The following E2F8 variants were observed in gnomAD, a reference collection of about 807,000 sequenced individuals.
E2F8 encodes the protein transcription factor E2F8.
A neutral mutation model predicts 80.8 loss-of-function variants in E2F8; 35 were observed. That is an observed-to-expected ratio of 0.43 (90% CI 0.33 to 0.57). The LOEUF is 0.57. E2F8 is among the 20% of genes least tolerant of loss of function. The pLI, the probability that E2F8 is intolerant of heterozygous loss-of-function variation, is 0.04. For missense variants in E2F8, 975 were observed against 1,056.2 expected (o/e 0.92, Z 1.07); for synonymous variants, 386 against 395.0 (o/e 0.98, Z 0.27).
chr11:19,237,636 C>T (rs1851553512), intron 3 of E2F8, among the ~76,000 whole-genome samples, 166 bp from the exon 4 acceptor site: 1 of 152,164 alleles, frequency 6.6e-6, no homozygotes. Context: ...AAATGCTTGG[C>T]AAACCTGAAA....
intron 10 of E2F8, 175 bp from the exon 11 acceptor site, chr11:19,226,039 C>T: frequency 1.5e-6 from 1 of 667,544 alleles, no homozygotes; most frequent in Non-Finnish European, 2.5e-6. Context: ...ACCCTCCCAC[C>T]CTTCCCAATG....
At position 19,224,786 on chromosome 11, in the gene E2F8, T is replaced by C. The variant is rs766511319; in HGVS notation, c.2476A>G (p.Thr826Ala). ...SQLVAESFFR[T>A]PGGPTKPTSS... The stretch of plus-strand genomic sequence containing the variant: ...GTTGGCTTGGTGGGTCCACCTGGGG[T>C]ACGGAAGAAACTTTCGGCCACTAAT... The change falls in exon 13 of 13, where the codon ACC becomes GCC. Residue 826 changes from threonine (T) to alanine (A), a missense_variant. Thr to Ala is a moderately conservative substitution (Grantham distance 58, BLOSUM62 0). Coordinates refer to ENST00000250024, the MANE Select transcript of E2F8 (RefSeq NM_024680.4). 3.1e-6 allele frequency: 5 copies of C among 1,613,926 alleles called. No homozygotes were observed. Among genetic ancestry groups the C allele is most frequent in the Non-Finnish European group, 4.2e-6 (5 of 1,180,032 alleles).
At position 19,225,280 on chromosome 11, in the gene E2F8, G is replaced by A; in HGVS notation, c.2362C>T (p.Pro788Ser). ...TTTGGCTGGCTCTGGCCTGGGACTG[G>A]TGAGTCATAGTTGGTGGCCCTTCCT... ...QQGRATNYDS[P>S]VPGQSQPNGQ... Residue 788 changes from proline to serine, a missense_variant, in exon 12 of 13, where the codon CCA (proline) becomes TCA (serine). Coordinates refer to ENST00000250024, the MANE Select transcript of E2F8 (RefSeq NM_024680.4). 6.2e-7 allele frequency: 1 copy of A among 1,614,152 alleles called. No individual in the cohort carries two copies. Among genetic ancestry groups the A allele is most frequent in the Non-Finnish European group, 8.5e-7 (1 of 1,180,046 alleles).
intron 2 of E2F8, 151 bp downstream of exon 2, chr11:19,239,956 T>C (rs1442665660): frequency 2.4e-6 from 1 of 411,916 alleles, no homozygotes; most frequent in Non-Finnish European, 4.4e-6. Context: ...TTTGAAACTA[T>C]AAGATAAGGT....
chr11:19,230,614 C>G lies in E2F8; in HGVS notation c.1270+17G>C. On this transcript the variant is annotated intron_variant, in intron 8 of 12. Transcript: ENST00000250024. ...GGAATTCTTCCTAGCAGATCCCTGA[C>G]ATTCCTGAAAACATACCTTTGTTGG... 6.2e-7 allele frequency: 1 copy of G among 1,611,714 alleles called. No homozygotes were observed. Among genetic ancestry groups the G allele is most frequent in the Non-Finnish European group, 8.5e-7 (1 of 1,178,488 alleles).
rs763915010 is a variant in E2F8, at chr11:19,234,538, G to A, written c.767-17C>T. 22 of 1,605,960 alleles carry A rather than the reference G, an allele frequency of 1.4e-5. No individual in the cohort carries two copies. Among genetic ancestry groups the A allele is most frequent in the Middle Eastern group, 3.3e-4 (2 of 6,028 alleles). ...TTACAGAAGCTTTAGAGAAGGATGAGGATTAGAGAATTAAAATTCATAAAG... is the reference window on the plus strand; with the variant it reads ...TTACAGAAGCTTTAGAGAAGGATGAAGATTAGAGAATTAAAATTCATAAAG... On this transcript the variant is annotated splice_polypyrimidine_tract_variant and intron_variant, in intron 5 of 12. Coordinates refer to ENST00000250024, the MANE Select transcript of E2F8 (RefSeq NM_024680.4).
chr11:19,239,648 C>G (rs1851609765), intron 2 of E2F8, among the ~76,000 whole-genome samples: 1 of 150,264 alleles, frequency 6.7e-6, no homozygotes, highest in African/African-American at 2.4e-5. Context: ...CCAAGTTGTT[C>G]AAGAATCCTC....
In E2F8 at chr11:19,234,829, C is replaced by A. The variant is rs141999878; in HGVS notation, c.681G>T (p.Glu227Asp). The change falls in exon 5 of 13, where the codon GAG (glutamate) becomes GAT (aspartate). Residue 227 changes from glutamate to aspartate, a missense_variant. Physicochemically the swap from Glu to Asp is conservative, Grantham distance 45. Transcript: ENST00000250024. ...CAGTGTTTGATTTGATGATATGATC[C>A]TCTATACTGTAACTCTTAATAAAGT... ...EFDFIKSYSI[E>D]DHIIKSNTGP... 3.6e-4 allele frequency: 583 copies of A among 1,614,176 alleles called. No individual in the cohort carries two copies. Among genetic ancestry groups the A allele is most frequent in the Admixed American group, 1.1e-3 (67 of 60,024 alleles).
At chr11:19,237,740 A>G in intron 3 of E2F8, 114 bp downstream of exon 3, 1 of 1,376,662 alleles carries the variant, frequency 7.3e-7, no homozygotes, top group South Asian at 1.4e-5. Flanking sequence ...AAGGAAGTTA[A>G]TAACAGCCTT....
Position 19,229,583 on chromosome 11 carries a change from C to T in E2F8, c.1764G>A (p.Arg588=). The T allele has an allele frequency of 6.2e-7, 1 of 1,614,240 alleles. No homozygotes were observed. The highest frequency in any genetic ancestry group is 8.5e-7 in the Non-Finnish European group (1 of 1,180,052). The change falls in exon 10 of 13, where the codon AGG becomes AGA. Residue 588 remains arginine, a synonymous_variant. Coordinates refer to ENST00000250024, the MANE Select transcript of E2F8 (RefSeq NM_024680.4). This position sits in a 1 kb window ranked among gnomAD's most constrained non-coding sequence, Gnocchi z 4.3. ...CCCTGGTTCGGCTCTTTGCCCCTTG[C>T]CTCTCTGGTGCTGGCAGCAAGCTTC... ...RPGSLLPAPE[R]QGAKSRTREP...
chr11:19,229,302 G>A lies in E2F8; in HGVS notation c.1893+152C>T. On this transcript the variant is annotated intron_variant, in intron 10 of 12. Coordinates refer to ENST00000250024, the MANE Select transcript of E2F8 (RefSeq NM_024680.4). The surrounding 1 kb of genome is among the most constrained non-coding windows in gnomAD (Gnocchi z 4.3). ...TGCCTTCATCCCAGCCAGGGGATTAGCTGTTGAGGGCCTCACTTGGATTAT... is the reference window on the plus strand; with the variant it reads ...TGCCTTCATCCCAGCCAGGGGATTAACTGTTGAGGGCCTCACTTGGATTAT... 2 of 1,022,144 alleles carry A rather than the reference G, an allele frequency of 2.0e-6. No homozygotes were observed. Among genetic ancestry groups the A allele is most frequent in the South Asian group, 3.3e-5 (2 of 60,524 alleles). The allele number at this position is 1,022,144 out of a possible 1,614,324, so 63.3% of individuals were successfully genotyped here.
At position 19,229,650 on chromosome 11, in the gene E2F8, G is replaced by A; in HGVS notation, c.1697C>T (p.Ala566Val). ...ACTGGCCTTTGAGGTATCATTGGCT[G>A]CCTTCTCAGTGGTGGCATCTGTGGA... ...KDSTDATTEKAANDTSKASAS... is the reference protein window; with the variant it reads ...KDSTDATTEKVANDTSKASAS... The change falls in exon 10 of 13, where the codon GCA becomes GTA. Residue 566 changes from alanine (A) to valine (V), a missense_variant. By Grantham distance (64) the Ala-to-Val change is moderately conservative (BLOSUM62 0). Coordinates refer to ENST00000250024, the MANE Select transcript of E2F8 (RefSeq NM_024680.4). The surrounding 1 kb of genome is among the most constrained non-coding windows in gnomAD (Gnocchi z 4.3). The A allele has an allele frequency of 6.2e-6, 10 of 1,614,190 alleles. No homozygotes were observed. Among genetic ancestry groups the A allele is most frequent in the Non-Finnish European group, 8.5e-6 (10 of 1,180,030 alleles).
At position 19,229,973 on chromosome 11, in the gene E2F8, T is replaced by C. The variant is rs778157115; in HGVS notation, c.1374A>G (p.Lys458=). ...CAGATCTTGCCAGCTGTACTTTCAC[T>C]TTCTGTCTGGATTCACTGAAAGACA... is the stretch of plus-strand genomic sequence containing the variant. ...LEEQSSESRQ[K]VKVQLARSGP... The change falls in exon 10 of 13, where the codon AAA becomes AAG. Residue 458 remains lysine (K), a synonymous_variant. Transcript: ENST00000250024. The surrounding 1 kb of genome is among the most constrained non-coding windows in gnomAD (Gnocchi z 4.3). 1 of 1,613,718 alleles carries C rather than the reference T, an allele frequency of 6.2e-7. No individual in the cohort carries two copies. Among genetic ancestry groups the C allele is most frequent in the Non-Finnish European group, 8.5e-7 (1 of 1,179,918 alleles).
At chr11:19,231,979 C>A (rs1851394877) in intron 7 of E2F8, among the ~76,000 whole-genome samples, 1 of 152,004 alleles carries the variant, frequency 6.6e-6, no homozygotes, top group South Asian at 2.1e-4. Context: ...ACATATACAC[C>A]ATGGAATACT....
intron 2 of E2F8, among the ~76,000 whole-genome samples, chr11:19,238,562 C>T (rs1200346100): frequency 1.3e-5 from 2 of 152,212 alleles, no homozygotes; most frequent in African/African-American, 4.8e-5. Flanking sequence ...ACTCATGGCA[C>T]TGTAATAAGT....
intron 10 of E2F8, among the ~76,000 whole-genome samples, chr11:19,226,424 C>T (rs1003617659): frequency 7.9e-5 from 12 of 152,314 alleles, no homozygotes; most frequent in Admixed American, 3.9e-4. Flanking sequence ...CCAAGTGGGG[C>T]ACACAGCAGG....
rs1213238946 is a variant in E2F8 at position 19,225,349 on chromosome 11, T to A, written c.2293A>T (p.Ile765Leu). 15 of 1,614,164 alleles carry A rather than the reference T, an allele frequency of 9.3e-6. No homozygotes were observed. The highest frequency in any genetic ancestry group is 1.2e-5 in the Non-Finnish European group (14 of 1,180,036). The change falls in exon 12 of 13, where the codon ATA becomes TTA. Residue 765 changes from isoleucine to leucine, a missense_variant. Coordinates refer to ENST00000250024, the MANE Select transcript of E2F8 (RefSeq NM_024680.4). ...TCTGGTGCGACATTAACAGACTCTATTCTTGGAGACACAGGAACGATTCCA... is the reference window on the plus strand; with the variant it reads ...TCTGGTGCGACATTAACAGACTCTAATCTTGGAGACACAGGAACGATTCCA... ...GSGIVPVSPR[I>L]ESVNVAPENA... is the part of the protein sequence containing the mutation.
chr11:19,230,578 T>G, intron 8 of E2F8, 53 bp downstream of exon 8: 36 of 1,576,230 alleles, frequency 2.3e-5, no homozygotes, highest in Non-Finnish European at 2.8e-5. Context: ...GCTGAAAAAA[T>G]GAGATAAAAG....
intron 4 of E2F8, among the ~76,000 whole-genome samples, chr11:19,235,266 C>T (rs566984172): frequency 6.6e-6 from 1 of 152,318 alleles, no homozygotes; most frequent in South Asian, 2.1e-4. Flanking sequence ...AGAAAGGCAA[C>T]ATTTAATGAG....
Sources: allele counts gnomAD v4.1 joint callset (sites outside exome capture counted in the v4.1 genomes callset), GRCh38; gene constraint gnomAD v4.1.1; non-coding constraint Gnocchi (gnomAD v3.1); transcripts MANE v1.5; gene names NCBI Gene and HGNC (gene_info 2026-07-23, HGNC 2026-07-21).